The following AGBL1 variants were observed in gnomAD, a reference collection of about 807,000 sequenced individuals.
AGBL1 encodes the protein AGBL carboxypeptidase 1.
A neutral mutation model predicts 118.9 loss-of-function variants in AGBL1; 130 were observed. The observed-to-expected ratio is 1.09, with a 90% CI of 0.95 to 1.26. The LOEUF is 1.26. Among genes scored for constraint, AGBL1 ranks in the 50% most tolerant of loss-of-function variants. The probability of loss-of-function intolerance (pLI) is 0.00; values close to 1 mark genes in which losing one functional copy is unlikely to be tolerated. For missense variants in AGBL1, 1,584 were observed against 1,298.1 expected (o/e 1.22, Z -3.38); for synonymous variants, 555 against 478.9 (o/e 1.16, Z -2.08).
intron 22 of AGBL1, among the ~76,000 whole-genome samples, chr15:86,732,669 T>C (rs889458291): frequency 1.3e-5 from 2 of 152,152 alleles, no homozygotes; most frequent in African/African-American, 4.8e-5. Context: ...CTATACAGAC[T>C]CTAAGACTAG....
chr15:86,629,185 T>C (rs1416524869), intron 21 of AGBL1, among the ~76,000 whole-genome samples: 1 of 152,186 alleles, frequency 6.6e-6, no homozygotes, highest in Non-Finnish European at 1.5e-5. Context: ...TTGGTTTCTA[T>C]GAGTTCAACT....
chr15:86,477,849 C>G (rs577023795), intron 18 of AGBL1, among the ~76,000 whole-genome samples: 25 of 152,234 alleles, frequency 1.6e-4, no homozygotes, highest in Non-Finnish European at 2.4e-4. Context: ...TACTGGCAAA[C>G]CAAATCCAGC....
chr15:86,275,440 T>C (rs904445360), intron 15 of AGBL1, among the ~76,000 whole-genome samples: 15 of 152,330 alleles, frequency 9.8e-5, no homozygotes, highest in Non-Finnish European at 1.6e-4. Flanking sequence ...TTAAATGAAA[T>C]GATACACCCT....
intron 22 of AGBL1, among the ~76,000 whole-genome samples, chr15:86,841,370 C>G (rs978635266): frequency 6.6e-6 from 1 of 152,170 alleles, no homozygotes; most frequent in Non-Finnish European, 1.5e-5. Flanking sequence ...GTGCACAATT[C>G]TATTTGGAAA....
intron 22 of AGBL1, among the ~76,000 whole-genome samples, chr15:86,879,728 G>T (rs2079864412): frequency 6.6e-6 from 1 of 152,194 alleles, no homozygotes; most frequent in Non-Finnish European, 1.5e-5. Context: ...GCTCATCTCT[G>T]CCAGGGATGC....
intron 16 of AGBL1, among the ~76,000 whole-genome samples, chr15:86,292,277 C>T (rs1269119318): frequency 6.6e-6 from 1 of 151,990 alleles, no homozygotes; most frequent in Non-Finnish European, 1.5e-5. Flanking sequence ...AAAAATGGGA[C>T]TGAATGGATG....
At position 86,744,314 on chromosome 15, in the gene AGBL1, C is replaced by T. The variant is rs146118495; in HGVS notation, c.3158+69878C>T. On this transcript the variant is annotated intron_variant, in intron 22 of 22. Transcript: ENST00000614907. ...CTGCCATGTCTTTGCATTGTGCTTT[C>T]TGCTCAGGAATAAATTTGCCTTTAT... Among the ~76,000 whole-genome samples, 4 of 152,250 alleles carry T rather than the reference C, an allele frequency of 2.6e-5. No individual in the cohort carries two copies. In the East Asian group the frequency reaches 7.7e-4, roughly 29 times the overall value.
chr15:86,846,193 A>G lies in AGBL1; in HGVS notation c.3159-60894A>G, dbSNP rs547432004. ...GACTCTTCAGTATTTCCTGTATGAC[A>G]TCTCAGCTAGAAAAGCACTCTCTCA... On this transcript the variant is annotated intron_variant, in intron 22 of 22. Transcript: ENST00000614907. Among the ~76,000 whole-genome samples, 31 of 152,284 alleles carry G rather than the reference A, an allele frequency of 2.0e-4. No individual in the cohort carries two copies. The South Asian group carries it at 6.4e-3, about 32-fold the overall frequency.
intron 6 of AGBL1, among the ~76,000 whole-genome samples, chr15:86,226,788 C>T (rs1267274901): frequency 1.3e-5 from 2 of 152,156 alleles, no homozygotes; most frequent in African/African-American, 2.4e-5. Context: ...GATATTGCCT[C>T]CTCTGAAAAT....
At chr15:86,227,964 T>A (rs34865193) in intron 6 of AGBL1, among the ~76,000 whole-genome samples, 36,964 of 151,988 alleles carry the variant, frequency 0.24, 4,733 homozygotes, top group South Asian at 0.33. Context: ...AAAGAGGACT[T>A]CATTTAAATC....
At chr15:86,157,615 T>G (rs12901510) in intron 4 of AGBL1, among the ~76,000 whole-genome samples, 1 of 152,064 alleles carries the variant, frequency 6.6e-6, no homozygotes, top group Non-Finnish European at 1.5e-5. Flanking sequence ...AAAATTATAC[T>G]GTCACTCTCC....
intron 22 of AGBL1, among the ~76,000 whole-genome samples, chr15:86,820,124 C>T (rs1311132284): frequency 1.3e-5 from 2 of 152,120 alleles, no homozygotes; most frequent in Admixed American, 6.5e-5. Context: ...TTCCTTACAC[C>T]TTATACAAAA....
At chr15:86,552,238 G>T (rs192414952) in intron 20 of AGBL1, among the ~76,000 whole-genome samples, 6 of 152,126 alleles carry the variant, frequency 3.9e-5, no homozygotes, top group Non-Finnish European at 5.9e-5. Flanking sequence ...GTACAGGAGT[G>T]GGGGGCATAT....
intron 22 of AGBL1, among the ~76,000 whole-genome samples, chr15:86,784,272 G>C (rs867305766): frequency 5.9e-5 from 9 of 152,268 alleles, no homozygotes; most frequent in African/African-American, 1.9e-4. Context: ...TCCCCACAGA[G>C]GCAACCTACT....
intron 5 of AGBL1, among the ~76,000 whole-genome samples, chr15:86,171,391 C>G (rs1204011277): frequency 6.6e-6 from 1 of 152,036 alleles, no homozygotes; most frequent in African/African-American, 2.4e-5. Context: ...TAAAAGTATT[C>G]TATTGTAAGT....
intron 23 of AGBL1, among the ~76,000 whole-genome samples, chr15:86,967,042 G>A (rs532758298): frequency 9.9e-5 from 15 of 152,124 alleles, no homozygotes; most frequent in Admixed American, 4.6e-4. Context: ...ATGGTATGTC[G>A]TTGTGGTTTT....
intron 22 of AGBL1, among the ~76,000 whole-genome samples, chr15:86,698,636 C>A (rs2086304393): frequency 6.7e-6 from 1 of 148,634 alleles, no homozygotes; most frequent in African/African-American, 2.5e-5. Flanking sequence ...AAAAAGAGAC[C>A]AACAGGATTT....
chr15:86,927,557 A>G (rs545033760), intron 23 of AGBL1, among the ~76,000 whole-genome samples: 1 of 152,348 alleles, frequency 6.6e-6, no homozygotes, highest in African/African-American at 2.4e-5. Flanking sequence ...ACTGCACTCC[A>G]ACCTGGGTGA....
chr15:86,723,216 G>T (rs2086758525), intron 22 of AGBL1, among the ~76,000 whole-genome samples: 2 of 152,192 alleles, frequency 1.3e-5, no homozygotes, highest in South Asian at 2.1e-4. Context: ...TATGTTTATT[G>T]TGGCACTATT....
Sources: allele counts gnomAD v4.1 joint callset (sites outside exome capture counted in the v4.1 genomes callset), GRCh38; gene constraint gnomAD v4.1.1; transcripts MANE v1.5; gene names NCBI Gene and HGNC (gene_info 2026-07-23, HGNC 2026-07-21).